PDGFD: variants seen among roughly 807,000 people sequenced by gnomAD.
PDGFD encodes platelet-derived growth factor D.
In PDGFD, 30 loss-of-function variants were observed where a neutral mutation model predicts 44.7. The observed-to-expected ratio is 0.67, with a 90% CI of 0.50 to 0.91. PDGFD has a LOEUF of 0.91. Ranked by LOEUF, PDGFD falls within the 40% of genes least tolerant of loss-of-function variation. The pLI, the probability that PDGFD is intolerant of heterozygous loss-of-function variation, is 0.00. For missense variants in PDGFD, 445 were observed against 457.8 expected (o/e 0.97, Z 0.25); for synonymous variants, 173 against 168.4 (o/e 1.03, Z -0.21).
chr11:103,931,808 T>C lies in PDGFD; in HGVS notation c.773-4682A>G, dbSNP rs116434706. Among the ~76,000 whole-genome samples the C allele has an allele frequency of 3.0e-3, 458 of 152,270 alleles. 2 individuals are homozygous for C. The highest frequency in any genetic ancestry group is 0.01 in the African/African-American group (422 of 41,560). ...ACCATGTTGGCACCAGTAATCATTT[T>C]ATTGTTGTTACAAGGTCTAGCCTTT... On this transcript the variant is annotated intron_variant, in intron 5 of 6. Transcript: ENST00000393158.
At chr11:103,923,988 A>T (rs558348936) in intron 6 of PDGFD, among the ~76,000 whole-genome samples, 2 of 152,304 alleles carry the variant, frequency 1.3e-5, no homozygotes, top group African/African-American at 4.8e-5. Context: ...TCCCCTCTAC[A>T]CATTAACTGA....
chr11:103,967,951 C>T (rs1434064438), intron 3 of PDGFD, among the ~76,000 whole-genome samples: 1 of 152,134 alleles, frequency 6.6e-6, no homozygotes, highest in African/African-American at 2.4e-5. Flanking sequence ...TACTCTTCAT[C>T]CCATGGCAGC....
chr11:104,034,890 C>G (rs1481032267), intron 1 of PDGFD, among the ~76,000 whole-genome samples: 3 of 152,176 alleles, frequency 2.0e-5, no homozygotes, highest in African/African-American at 7.2e-5. Context: ...GATCCGCCCA[C>G]CCTGGCCTCC....
At chr11:103,925,457 T>C (rs553987652) in intron 6 of PDGFD, among the ~76,000 whole-genome samples, 27 of 152,182 alleles carry the variant, frequency 1.8e-4, no homozygotes, top group African/African-American at 6.5e-4. Flanking sequence ...ATATATTTCA[T>C]ATGCATTATT....
At chr11:104,129,062 AT>A (rs1054282331) in intron 1 of PDGFD, among the ~76,000 whole-genome samples, 118 of 152,256 alleles carry the variant, frequency 7.8e-4, no homozygotes, top group African/African-American at 2.6e-3. Flanking sequence ...TATATTGAAC[AT>A]TTTGAAATAA....
intron 1 of PDGFD, among the ~76,000 whole-genome samples, chr11:104,154,453 A>C (rs1450872688): frequency 2.6e-5 from 4 of 152,212 alleles, no homozygotes; most frequent in Non-Finnish European, 5.9e-5. Context: ...ATCCCTGAAG[A>C]AACAATAAAT....
intron 1 of PDGFD, among the ~76,000 whole-genome samples, chr11:104,019,760 G>T (rs1038715216): frequency 4.6e-5 from 7 of 152,066 alleles, no homozygotes; most frequent in African/African-American, 1.7e-4. Context: ...GGAGATAAAT[G>T]GCTGCACAAA....
At chr11:103,919,957 C>A (rs975526581) in intron 6 of PDGFD, among the ~76,000 whole-genome samples, 4 of 152,196 alleles carry the variant, frequency 2.6e-5, no homozygotes, top group South Asian at 2.1e-4. Flanking sequence ...GTGAATTATT[C>A]TGAAACCTAA....
At chr11:104,047,762 G>T (rs910829225) in intron 1 of PDGFD, among the ~76,000 whole-genome samples, 3 of 151,448 alleles carry the variant, frequency 2.0e-5, no homozygotes, top group African/African-American at 4.8e-5. Context: ...TTTTATGAAG[G>T]TCTAAAACAT....
chr11:104,159,320 C>G (rs1024544037), intron 1 of PDGFD, among the ~76,000 whole-genome samples: 5 of 152,142 alleles, frequency 3.3e-5, no homozygotes, highest in African/African-American at 1.2e-4. Context: ...TTAGAAAGAT[C>G]AATGTATTCC....
At chr11:104,078,430 G>A (rs903935397) in intron 1 of PDGFD, among the ~76,000 whole-genome samples, 2 of 152,080 alleles carry the variant, frequency 1.3e-5, no homozygotes, top group Admixed American at 1.3e-4. Flanking sequence ...TGCAGGCTAC[G>A]TCTTATCTGA....
chr11:103,938,863 G>T (rs1474966175), intron 5 of PDGFD, among the ~76,000 whole-genome samples: 2 of 152,104 alleles, frequency 1.3e-5, no homozygotes, highest in Non-Finnish European at 2.9e-5. Context: ...TCAGATAGTT[G>T]TAGATATGCG....
At chr11:104,031,422 C>A (rs1458802786) in intron 1 of PDGFD, among the ~76,000 whole-genome samples, 1 of 152,150 alleles carries the variant, frequency 6.6e-6, no homozygotes, top group Non-Finnish European at 1.5e-5. Context: ...TAAAGAAATG[C>A]AACACAAAAC....
intron 1 of PDGFD, among the ~76,000 whole-genome samples, chr11:104,065,695 C>A (rs967922371): frequency 1.3e-4 from 20 of 152,150 alleles, no homozygotes; most frequent in African/African-American, 4.6e-4. Context: ...TGGGTAATGT[C>A]ATTTCTAATG....
intron 1 of PDGFD, among the ~76,000 whole-genome samples, chr11:104,096,806 CA>C (rs1292928712): frequency 6.6e-6 from 1 of 152,102 alleles, no homozygotes; most frequent in African/African-American, 2.4e-5. Flanking sequence ...ATCAATGGTA[CA>C]ATTTTATCCA....
chr11:103,939,954 C>A (rs78541499), intron 5 of PDGFD, among the ~76,000 whole-genome samples: 2 of 152,034 alleles, frequency 1.3e-5, no homozygotes, highest in Non-Finnish European at 2.9e-5. Flanking sequence ...ACTCCAGAAG[C>A]TTTTACAGAC....
intron 1 of PDGFD, among the ~76,000 whole-genome samples, chr11:104,145,645 A>G (rs193301595): frequency 7.2e-4 from 109 of 152,282 alleles, no homozygotes; most frequent in African/African-American, 2.5e-3. Flanking sequence ...TAGGCCTTTT[A>G]GACTTATTTT....
At chr11:104,124,114 A>G (rs774606755) in intron 1 of PDGFD, among the ~76,000 whole-genome samples, 2 of 152,102 alleles carry the variant, frequency 1.3e-5, no homozygotes, top group Non-Finnish European at 2.9e-5. Flanking sequence ...TCAATAACAT[A>G]CAGATGGTAA....
chr11:103,950,856 A>G (rs185950863), intron 3 of PDGFD, among the ~76,000 whole-genome samples: 6 of 152,314 alleles, frequency 3.9e-5, no homozygotes, highest in Admixed American at 1.3e-4. Context: ...CACCCTTTGA[A>G]GTAGCCTTAG....
Sources: allele counts gnomAD v4.1 joint callset (sites outside exome capture counted in the v4.1 genomes callset), GRCh38; gene constraint gnomAD v4.1.1; transcripts MANE v1.5; gene names NCBI Gene and HGNC (gene_info 2026-07-23, HGNC 2026-07-21).